ZDHHC7: variants seen among roughly 807,000 people sequenced by gnomAD.
The protein encoded by ZDHHC7 is palmitoyltransferase ZDHHC7.
A neutral mutation model predicts 34.1 loss-of-function variants in ZDHHC7; 12 were observed. The ratio of observed to expected loss-of-function variants is 0.35; its 90% CI spans 0.23 to 0.57. The LOEUF is 0.57. ZDHHC7 is among the 20% of genes least tolerant of loss of function. The probability of loss-of-function intolerance (pLI) is 0.84; values close to 1 mark genes in which losing one functional copy is unlikely to be tolerated. For missense variants in ZDHHC7, 388 were observed against 402.7 expected (o/e 0.96, Z 0.31); for synonymous variants, 185 against 155.4 (o/e 1.19, Z -1.42).
At chr16:85,011,142 C>T (rs576404445) in intron 1 of ZDHHC7, 144 bp downstream of exon 1, 13 of 152,396 alleles carry the variant, frequency 8.5e-5, no homozygotes, top group Non-Finnish European at 1.3e-4. Flanking sequence ...GGAGGTGCCC[C>T]TAGGAACTCC....
upstream of ZDHHC7, among the ~76,000 whole-genome samples, chr16:85,015,890 GCTAT>G (rs1390501508): frequency 6.6e-6 from 1 of 151,918 alleles, no homozygotes; most frequent in African/African-American, 2.4e-5. Context: ...CTCAGGGCCT[GCTAT>G]CTGTCATGTG....
the ZDHHC7 span, among the ~76,000 whole-genome samples, chr16:85,027,275 A>AT: frequency 6.6e-6 from 1 of 151,530 alleles, no homozygotes; most frequent in African/African-American, 2.4e-5. Flanking sequence ...ATTTATTATT[A>AT]TTTTTTTTAG....
chr16:84,976,443 C>A lies in ZDHHC7; in HGVS notation c.827G>T (p.Gly276Val), dbSNP rs1263847822. 6.2e-7 allele frequency: 1 copy of A among 1,614,118 alleles called. No individual in the cohort carries two copies. Among genetic ancestry groups the A allele is most frequent in the Non-Finnish European group, 8.5e-7 (1 of 1,180,020 alleles). The part of the protein sequence containing the change: ...LRWEGMKSVF[G>V]GPPSLLWMNP... ...CATCCAGAGGAGTGAGGGGGGCCCC[C>A]CAAAGACGGACTTCATCCCTTCCCA... Residue 276 changes from glycine (G) to valine (V), a missense_variant, in exon 8 of 8, where the codon GGG becomes GTG. By Grantham distance (109) the Gly-to-Val change is moderately radical. Coordinates refer to ENST00000313732, the MANE Select transcript of ZDHHC7 (RefSeq NM_017740.3).
chr16:85,005,634 T>C (rs932120029), intron 1 of ZDHHC7, among the ~76,000 whole-genome samples: 8 of 152,228 alleles, frequency 5.3e-5, no homozygotes, highest in Non-Finnish European at 1.2e-4. Context: ...GTGCATTCTG[T>C]AATGAATAAA....
chr16:85,003,803 A>T (rs1379858832), intron 1 of ZDHHC7, among the ~76,000 whole-genome samples: 1 of 152,126 alleles, frequency 6.6e-6, no homozygotes, highest in Admixed American at 6.6e-5. Context: ...CACACACAGC[A>T]CACAATGAAC....
At chr16:85,013,687 T>C (rs773125788), upstream of ZDHHC7, among the ~76,000 whole-genome samples, 24 of 152,018 alleles carry the variant, frequency 1.6e-4, no homozygotes, top group Non-Finnish European at 3.1e-4. Flanking sequence ...ATTTGTGTTT[T>C]TTTGTTTTGT....
chr16:84,997,766 G>A (rs1472189693), intron 1 of ZDHHC7, among the ~76,000 whole-genome samples: 2 of 149,584 alleles, frequency 1.3e-5, no homozygotes, highest in Admixed American at 6.6e-5. Flanking sequence ...GGTGGTGGGC[G>A]CCTGTAGTCC....
At chr16:85,021,472 G>A in the ZDHHC7 span, among the ~76,000 whole-genome samples, 1 of 150,104 alleles carries the variant, frequency 6.7e-6, no homozygotes. Context: ...GCTTTGGGAG[G>A]CTGAGGCAGG....
upstream of ZDHHC7, among the ~76,000 whole-genome samples, chr16:85,015,425 A>C (rs907516116): frequency 1.3e-5 from 2 of 152,128 alleles, no homozygotes; most frequent in African/African-American, 4.8e-5. Flanking sequence ...AGACCTAAGA[A>C]AGGTGCCAGA....
At chr16:85,021,728 A>G in the ZDHHC7 span, among the ~76,000 whole-genome samples, 1 of 151,620 alleles carries the variant, frequency 6.6e-6, no homozygotes, top group Non-Finnish European at 1.5e-5. Flanking sequence ...AAAGAAAGAA[A>G]GAAAAAGAGA....
Position 84,990,436 on chromosome 16 carries a change from T to G in ZDHHC7, c.183A>C (p.Ala61=). 6.2e-7 allele frequency: 1 copy of G among 1,614,072 alleles called. No individual in the cohort carries two copies. The highest frequency in any genetic ancestry group is 8.5e-7 in the Non-Finnish European group (1 of 1,179,994). The change falls in exon 3 of 8, where the codon GCA becomes GCC. Residue 61 remains alanine, a synonymous_variant. Coordinates refer to ENST00000313732, the MANE Select transcript of ZDHHC7 (RefSeq NM_017740.3). Reference sequence around the variant, plus strand: ...GCATGACGAAAGTCACCACGAAGTCTGCATAGGCGACCAGAAGCCACGTCA... The same window carrying G: ...GCATGACGAAAGTCACCACGAAGTCGGCATAGGCGACCAGAAGCCACGTCA... The part of the protein sequence containing the change: ...AVMTWLLVAY[A]DFVVTFVMLL...
intron 4 of ZDHHC7, among the ~76,000 whole-genome samples, chr16:84,979,786 C>T (rs755611710): frequency 6.6e-6 from 1 of 151,962 alleles, no homozygotes. Flanking sequence ...TTGTTTTTAA[C>T]AGCTGTATTT....
intron 1 of ZDHHC7, among the ~76,000 whole-genome samples, chr16:84,997,841 C>T (rs1238230655): frequency 2.9e-5 from 4 of 137,874 alleles, no homozygotes; most frequent in Admixed American, 7.9e-5. Context: ...TGCAGTGGGC[C>T]GAGATGGCGC....
At chr16:85,008,793 C>G (rs1209393085) in intron 1 of ZDHHC7, among the ~76,000 whole-genome samples, 1 of 151,840 alleles carries the variant, frequency 6.6e-6, no homozygotes, top group East Asian at 1.9e-4. Flanking sequence ...CGCCTGTAAT[C>G]CCACCATTCT....
intron 3 of ZDHHC7, 127 bp from the exon 4 acceptor site, chr16:84,982,121 G>A (rs2072378435): frequency 1.6e-5 from 20 of 1,272,830 alleles, no homozygotes; most frequent in Non-Finnish European, 1.7e-5. Flanking sequence ...CACGGGGTCA[G>A]GAGTTCAAGA....
upstream of ZDHHC7, among the ~76,000 whole-genome samples, chr16:85,011,786 G>T (rs993943677): frequency 3.3e-5 from 5 of 152,256 alleles, no homozygotes; most frequent in East Asian, 1.9e-4. Flanking sequence ...CTGCGGAACC[G>T]GGTTGGGAAT....
intron 3 of ZDHHC7, among the ~76,000 whole-genome samples, chr16:84,986,246 TAAG>T (rs1249763290): frequency 6.6e-6 from 1 of 152,136 alleles, no homozygotes; most frequent in Non-Finnish European, 1.5e-5. Context: ...GAATTTCCCA[TAAG>T]AAGTGAAATT....
At chr16:84,984,948 C>T (rs1014918390) in intron 3 of ZDHHC7, among the ~76,000 whole-genome samples, 2 of 152,226 alleles carry the variant, frequency 1.3e-5, no homozygotes, top group African/African-American at 4.8e-5. Flanking sequence ...GCTGGAGCAC[C>T]GTTTCCTCTG....
At chr16:84,993,943 C>T (rs909189824) in intron 2 of ZDHHC7, among the ~76,000 whole-genome samples, 3 of 152,182 alleles carry the variant, frequency 2.0e-5, no homozygotes, top group East Asian at 3.8e-4. Flanking sequence ...GGTCTCTAGA[C>T]ATCAGATGTG....
Sources: gnomAD v4.1 joint callset for allele counts (sites outside exome capture counted in the v4.1 genomes callset) on GRCh38, gnomAD v4.1.1 for gene constraint, MANE v1.5 for transcripts, NCBI Gene and HGNC (gene_info 2026-07-23, HGNC 2026-07-21) for gene names.